The following DPP6 variants were observed in gnomAD, a reference collection of about 807,000 sequenced individuals.
The protein encoded by DPP6 is dipeptidyl peptidase like 6, also known as A-type potassium channel modulatory protein DPP6.
A neutral mutation model predicts 122.6 loss-of-function variants in DPP6; 69 were observed. That is an observed-to-expected ratio of 0.56 (90% CI 0.46 to 0.69). DPP6 has a LOEUF of 0.69. Among genes scored for constraint, DPP6 ranks in the 30% least tolerant of loss-of-function variants. The pLI, the probability that DPP6 is intolerant of heterozygous loss-of-function variation, is 0.00. For missense variants in DPP6, 928 were observed against 1,116.9 expected (o/e 0.83, Z 2.41); for synonymous variants, 418 against 433.1 (o/e 0.97, Z 0.43).
At chr7:154,497,496 C>A (rs766104251) in intron 3 of DPP6, among the ~76,000 whole-genome samples, 4 of 151,828 alleles carry the variant, frequency 2.6e-5, no homozygotes, top group African/African-American at 4.8e-5. Context: ...GTAATCCCAG[C>A]TACTTGGGAG....
chr7:154,361,680 A>G (rs1811738354), intron 1 of DPP6, among the ~76,000 whole-genome samples: 1 of 151,894 alleles, frequency 6.6e-6, no homozygotes, highest in Admixed American at 6.6e-5. Flanking sequence ...AGCAATGAAT[A>G]GGTATTTTGT....
intron 1 of DPP6, chr7:154,305,036 G>T (rs1230603430): frequency 1.3e-4 from 2 of 14,910 alleles, no homozygotes; most frequent in African/African-American, 5.1e-4. Context: ...CCCAGCCCCA[G>T]CCCCAGCCCC....
At chr7:154,243,795 C>CA (rs886398654) in intron 1 of DPP6, among the ~76,000 whole-genome samples, 47 of 141,838 alleles carry the variant, frequency 3.3e-4, no homozygotes, top group Admixed American at 9.9e-4. Context: ...GACTCCATCT[C>CA]AAAAAAAAAA....
chr7:153,983,746 A>G (rs1397250418), intron 1 of DPP6, among the ~76,000 whole-genome samples: 12 of 152,002 alleles, frequency 7.9e-5, no homozygotes, highest in Admixed American at 7.9e-4. Context: ...ATTGGGCTGG[A>G]TAGCATTGTC....
chr7:154,035,867 A>C (rs1335174897), intron 1 of DPP6, among the ~76,000 whole-genome samples: 2 of 152,004 alleles, frequency 1.3e-5, no homozygotes, highest in Non-Finnish European at 2.9e-5. Context: ...TAGGAGAGCA[A>C]CTCTCCTTGA....
At chr7:154,060,654 A>G (rs1305067615) in intron 1 of DPP6, among the ~76,000 whole-genome samples, 50 of 110,064 alleles carry the variant, frequency 4.5e-4, no homozygotes, top group African/African-American at 6.6e-4. Flanking sequence ...GGCACCCCCC[A>G]CGAGAGTGGC....
chr7:154,777,177 C>G (rs1796628746), intron 10 of DPP6, among the ~76,000 whole-genome samples: 1 of 152,268 alleles, frequency 6.6e-6, no homozygotes, highest in African/African-American at 2.4e-5. Flanking sequence ...GTGGCCTCTC[C>G]TAATGAGAGC....
intron 1 of DPP6, among the ~76,000 whole-genome samples, chr7:154,407,175 A>G (rs1816186477): frequency 6.6e-6 from 1 of 152,000 alleles, no homozygotes; most frequent in African/African-American, 2.4e-5. Context: ...TGTGCTGCCA[A>G]CCTCCTCTTC....
chr7:154,350,996 G>A (rs1022229439), intron 1 of DPP6, among the ~76,000 whole-genome samples: 3 of 152,132 alleles, frequency 2.0e-5, no homozygotes, highest in Non-Finnish European at 4.4e-5. Flanking sequence ...TGGGCCCATT[G>A]GACTGTAGGT....
At chr7:154,341,174 A>T (rs969145895) in intron 1 of DPP6, among the ~76,000 whole-genome samples, 2 of 152,196 alleles carry the variant, frequency 1.3e-5, no homozygotes, top group African/African-American at 4.8e-5. Flanking sequence ...CATCAAAAAC[A>T]TGCTGATGAT....
At chr7:154,841,302 A>AGCAGGCTTTGCCCCTCT (rs1338000647) in intron 16 of DPP6, among the ~76,000 whole-genome samples, 1 of 108,416 alleles carries the variant, frequency 9.2e-6, no homozygotes, top group African/African-American at 2.9e-5. Context: ...CACCCCTCCA[A>AGCAGGCTTTGCCCCTCT]GCAGGCTTTG....
chr7:154,450,358 T>C (rs1820254090), intron 2 of DPP6, among the ~76,000 whole-genome samples: 2 of 152,194 alleles, frequency 1.3e-5, no homozygotes, highest in Admixed American at 6.5e-5. Flanking sequence ...TATGACTCTG[T>C]TAATATTATA....
At chr7:153,820,658 A>G in the DPP6 span, among the ~76,000 whole-genome samples, 9 of 152,174 alleles carry the variant, frequency 5.9e-5, no homozygotes, top group Non-Finnish European at 4.4e-5. Flanking sequence ...AAAGGAGGCC[A>G]AGAAATGTGG....
intron 17 of DPP6, among the ~76,000 whole-genome samples, chr7:154,854,164 C>T (rs1802631080): frequency 6.6e-6 from 1 of 152,198 alleles, no homozygotes; most frequent in Admixed American, 6.5e-5. Context: ...GAGAACCTGC[C>T]ATGTGGCACC....
chr7:154,690,939 C>T (rs967142649), intron 7 of DPP6, among the ~76,000 whole-genome samples: 3 of 152,196 alleles, frequency 2.0e-5, no homozygotes, highest in African/African-American at 7.2e-5. Context: ...ACTGTCTTAC[C>T]TTATGAGCAC....
intron 8 of DPP6, among the ~76,000 whole-genome samples, chr7:154,768,641 C>T (rs1796053086): frequency 6.6e-6 from 1 of 152,138 alleles, no homozygotes; most frequent in Admixed American, 6.5e-5. Context: ...GTAGAAATTT[C>T]CCCTCTAGAA....
chr7:154,178,713 C>T (rs571500908), intron 1 of DPP6, among the ~76,000 whole-genome samples: 1 of 152,290 alleles, frequency 6.6e-6, no homozygotes, highest in East Asian at 1.9e-4. Context: ...TTGAAAACAT[C>T]CCTGCTCAGA....
At chr7:154,177,082 A>G (rs1797842413) in intron 1 of DPP6, among the ~76,000 whole-genome samples, 1 of 151,734 alleles carries the variant, frequency 6.6e-6, no homozygotes, top group African/African-American at 2.4e-5. Context: ...GATTCTCCCA[A>G]CTCTCCCTTC....
intron 7 of DPP6, among the ~76,000 whole-genome samples, chr7:154,669,963 G>T (rs1838453013): frequency 6.6e-6 from 1 of 152,058 alleles, no homozygotes; most frequent in South Asian, 2.1e-4. Context: ...GTGTTCAAGC[G>T]ATTCTCCTGC....
Sources: allele counts gnomAD v4.1 joint callset (sites outside exome capture counted in the v4.1 genomes callset), GRCh38; gene constraint gnomAD v4.1.1; transcripts MANE v1.5; gene names NCBI Gene and HGNC (gene_info 2026-07-23, HGNC 2026-07-21).